LYRM4: variants seen among roughly 807,000 people sequenced by gnomAD.
LYRM4 encodes the protein LYR motif containing 4, also known as LYR motif-containing protein 4.
LYRM4 carries 9 observed loss-of-function variants against 11.7 expected under a neutral mutation model. The observed-to-expected ratio is 0.77, with a 90% CI of 0.46 to 1.34. The LOEUF (loss-of-function observed/expected upper bound fraction) is 1.34. Among genes scored for constraint, LYRM4 ranks in the 40% most tolerant of loss-of-function variants. The probability of loss-of-function intolerance (pLI) is 0.00; values close to 1 mark genes in which losing one functional copy is unlikely to be tolerated. For synonymous variants in LYRM4, 42 were observed against 40.4 expected, an observed-to-expected ratio of 1.04 and a Z score of -0.15; for missense variants, 133 against 112.5, an observed-to-expected ratio of 1.18 and a Z score of -0.82.
the LYRM4 span, among the ~76,000 whole-genome samples, chr6:5,074,777 C>T: frequency 1.3e-5 from 2 of 151,840 alleles, no homozygotes; most frequent in South Asian, 2.1e-4. Flanking sequence ...TTTATATACA[C>T]GTTGATGGTG....
chr6:5,111,382 C>A (rs188710131), intron 2 of LYRM4, among the ~76,000 whole-genome samples: 327 of 152,284 alleles, frequency 2.1e-3, no homozygotes, highest in African/African-American at 5.9e-3. Flanking sequence ...CGGACATTCA[C>A]GAGTACTTGA....
At chr6:5,121,980 C>T (rs1216207837) in intron 2 of LYRM4, among the ~76,000 whole-genome samples, 3 of 152,210 alleles carry the variant, frequency 2.0e-5, no homozygotes, top group Non-Finnish European at 4.4e-5. Context: ...CTTTCTGGGG[C>T]AATCAGGCTG....
chr6:5,136,592 C>T, intron 2 of LYRM4: 2 of 984,230 alleles, frequency 2.0e-6, no homozygotes, highest in Non-Finnish European at 2.4e-6. Flanking sequence ...GCCTGGCACA[C>T]AGCTTTCAAT....
rs9504340 is a variant in LYRM4 at position 5,131,550 on chromosome 6, A to G, written c.208-22059T>C. On this transcript the variant is annotated intron_variant, in intron 2 of 2. Coordinates refer to ENST00000330636, the MANE Select transcript of LYRM4 (RefSeq NM_020408.6). Reference sequence around the variant, plus strand: ...CCTCATCTCTTAAAAGAGAAAAAAGAAAATTGTGCCTGCAAAAAAGCTCCC... The same window carrying G: ...CCTCATCTCTTAAAAGAGAAAAAAGGAAATTGTGCCTGCAAAAAAGCTCCC... Among the ~76,000 whole-genome samples, 284 of 152,316 alleles carry G rather than the reference A, an allele frequency of 1.9e-3. 1 individual carries two copies. Among genetic ancestry groups the G allele is most frequent in the African/African-American group, 6.5e-3 (270 of 41,582 alleles).
intron 2 of LYRM4, among the ~76,000 whole-genome samples, chr6:5,184,417 C>A (rs571399540): frequency 1.2e-3 from 183 of 152,262 alleles, no homozygotes; most frequent in African/African-American, 4.2e-3. Context: ...TATTAAACAT[C>A]CTGGTGTCCA....
intron 2 of LYRM4, among the ~76,000 whole-genome samples, chr6:5,112,829 G>T (rs1310247732): frequency 1.3e-5 from 2 of 151,936 alleles, no homozygotes; most frequent in African/African-American, 4.8e-5. Context: ...TGGAGCTGGG[G>T]CAGGGTAAGA....
In LYRM4 at chr6:5,122,940, C is replaced by T. The variant is rs755458301; in HGVS notation, c.208-13449G>A. On this transcript the variant is annotated intron_variant, in intron 2 of 2. Transcript: ENST00000330636. ...TCACCTCCCTCAGGGAGCTGCTACG[C>T]GACATCCACGGACTTGTAAACACGT... Among the ~76,000 whole-genome samples, 7 of 152,334 alleles carry T rather than the reference C, an allele frequency of 4.6e-5. No homozygotes were observed. The East Asian group carries it at 9.6e-4, about 21-fold the overall frequency.
the LYRM4 span, among the ~76,000 whole-genome samples, chr6:5,072,608 C>T: frequency 3.3e-4 from 47 of 143,708 alleles, no homozygotes; most frequent in Non-Finnish European, 5.6e-4. Flanking sequence ...GACAGAGTTT[C>T]ACTCTCGTTG....
chr6:5,057,595 A>G, the LYRM4 span, among the ~76,000 whole-genome samples: 1,104 of 152,038 alleles, frequency 7.3e-3, 16 homozygotes, highest in African/African-American at 0.024. Flanking sequence ...GGCGCCTGTA[A>G]TCCCAGCTAC....
chr6:5,089,878 G>C, the LYRM4 span, among the ~76,000 whole-genome samples: 2 of 152,148 alleles, frequency 1.3e-5, 1 homozygote, highest in African/African-American at 4.8e-5. Flanking sequence ...TCTCATTGTA[G>C]ACTAATAGCA....
chr6:5,243,673 A>G (rs923557188), intron 1 of LYRM4, among the ~76,000 whole-genome samples: 4 of 152,230 alleles, frequency 2.6e-5, no homozygotes, highest in Admixed American at 1.3e-4. Context: ...ATATTACCAG[A>G]AGACTATATA....
At chr6:5,241,886 C>T (rs1324092994) in intron 1 of LYRM4, among the ~76,000 whole-genome samples, 3 of 152,026 alleles carry the variant, frequency 2.0e-5, no homozygotes, top group Admixed American at 6.6e-5. Context: ...TGGCCTGACT[C>T]AGAAATATTG....
chr6:5,110,474 G>A (rs1019661741), intron 2 of LYRM4, among the ~76,000 whole-genome samples: 2 of 152,182 alleles, frequency 1.3e-5, no homozygotes, highest in East Asian at 1.9e-4. Context: ...GAGGTGTCCT[G>A]TTTTCCATGC....
the LYRM4 span, among the ~76,000 whole-genome samples, chr6:5,071,456 G>A: frequency 6.6e-5 from 10 of 152,104 alleles, no homozygotes; most frequent in Non-Finnish European, 1.3e-4. Context: ...CTGGGACTCC[G>A]GTGGGGTGAG....
intron 2 of LYRM4, among the ~76,000 whole-genome samples, chr6:5,134,113 GA>G (rs1764080782): frequency 6.6e-6 from 1 of 152,224 alleles, no homozygotes; most frequent in African/African-American, 2.4e-5. Flanking sequence ...CTTTTGGAGT[GA>G]AATTGCTGGG....
At chr6:5,064,009 C>G in the LYRM4 span, among the ~76,000 whole-genome samples, 1 of 152,220 alleles carries the variant, frequency 6.6e-6, no homozygotes, top group Non-Finnish European at 1.5e-5. Context: ...CAGTGAGGTT[C>G]ACGGCTGAGT....
chr6:5,040,316 A>AGATAGATAG, the LYRM4 span, among the ~76,000 whole-genome samples: 6 of 125,076 alleles, frequency 4.8e-5, no homozygotes, highest in African/African-American at 1.7e-4. Flanking sequence ...TATCTCTAAC[A>AGATAGATAG]ATAGATAGAT....
At chr6:5,209,919 T>A (rs968099319) in intron 2 of LYRM4, among the ~76,000 whole-genome samples, 1 of 152,228 alleles carries the variant, frequency 6.6e-6, no homozygotes, top group Non-Finnish European at 1.5e-5. Flanking sequence ...GTTCTTCAAC[T>A]ATTATTTCAT....
At chr6:5,067,528 G>A in the LYRM4 span, among the ~76,000 whole-genome samples, 3 of 152,196 alleles carry the variant, frequency 2.0e-5, no homozygotes, top group South Asian at 6.2e-4. Flanking sequence ...CAAAGCAAGG[G>A]AGAGCTGGGG....
Sources: gnomAD v4.1 joint callset for allele counts (sites outside exome capture counted in the v4.1 genomes callset) on GRCh38, gnomAD v4.1.1 for gene constraint, MANE v1.5 for transcripts, NCBI Gene and HGNC (gene_info 2026-07-23, HGNC 2026-07-21) for gene names.